The following IQGAP2 variants were observed in gnomAD, a reference collection of about 807,000 sequenced individuals.
The protein encoded by IQGAP2 is IQ motif containing GTPase activating protein 2.
Under a neutral mutation model 201.3 loss-of-function variants are expected in IQGAP2, and 173 were observed. The ratio of observed to expected loss-of-function variants is 0.86; its 90% CI spans 0.76 to 0.98. The LOEUF is 0.98. Ranked by LOEUF, IQGAP2 falls within the 50% of genes least tolerant of loss-of-function variation. The pLI, the probability that IQGAP2 is intolerant of heterozygous loss-of-function variation, is 0.00. For synonymous variants in IQGAP2, 675 were observed against 673.9 expected, an observed-to-expected ratio of 1.00 and a Z score of -0.03; for missense variants, 1,687 against 1,864.8, an observed-to-expected ratio of 0.90 and a Z score of 1.76.
intron 2 of IQGAP2, chr5:76,510,741 T>TG: frequency 2.0e-6 from 1 of 507,832 alleles, no homozygotes; most frequent in East Asian, 5.6e-5. Flanking sequence ...AGGGTGTACC[T>TG]GGGGGCACCC....
chr5:76,662,999 G>A (rs1385143354), intron 21 of IQGAP2, among the ~76,000 whole-genome samples: 1 of 152,180 alleles, frequency 6.6e-6, no homozygotes, highest in Non-Finnish European at 1.5e-5. Context: ...ACATGGAACT[G>A]TCTTACTCCA....
intron 9 of IQGAP2, among the ~76,000 whole-genome samples, chr5:76,594,017 CA>C (rs752769792): frequency 4.6e-5 from 7 of 152,208 alleles, no homozygotes; most frequent in Non-Finnish European, 7.3e-5. Flanking sequence ...GAATATGCCT[CA>C]CATACACATA....
At chr5:76,601,599 G>A (rs1366885654) in intron 11 of IQGAP2, among the ~76,000 whole-genome samples, 2 of 152,224 alleles carry the variant, frequency 1.3e-5, no homozygotes, top group Admixed American at 1.3e-4. Context: ...CCAGATGAGA[G>A]AGTCGCTGAG....
intron 1 of IQGAP2, among the ~76,000 whole-genome samples, chr5:76,450,613 A>C (rs895845473): frequency 6.6e-6 from 1 of 152,156 alleles, no homozygotes; most frequent in Non-Finnish European, 1.5e-5. Flanking sequence ...AATATGTACT[A>C]CTTCTATGAA....
intron 2 of IQGAP2, among the ~76,000 whole-genome samples, chr5:76,527,170 A>T (rs927624978): frequency 1.3e-5 from 2 of 152,216 alleles, no homozygotes; most frequent in Non-Finnish European, 2.9e-5. Flanking sequence ...CAAGATAGTG[A>T]TCTTTATGAA....
intron 2 of IQGAP2, among the ~76,000 whole-genome samples, 192 bp from the exon 3 acceptor site, chr5:76,562,204 T>C (rs1261936570): frequency 1.3e-5 from 2 of 152,114 alleles, no homozygotes; most frequent in African/African-American, 4.8e-5. Context: ...GGGCTTTCAT[T>C]CCCCCTGTTC....
intron 17 of IQGAP2, among the ~76,000 whole-genome samples, chr5:76,643,120 C>T (rs1398360175): frequency 6.6e-6 from 1 of 152,176 alleles, no homozygotes; most frequent in Non-Finnish European, 1.5e-5. Context: ...TAGAGTTACT[C>T]TTCCAGAAGA....
chr5:76,514,871 G>A (rs1000694234), intron 2 of IQGAP2, among the ~76,000 whole-genome samples: 1 of 152,154 alleles, frequency 6.6e-6, no homozygotes, highest in African/African-American at 2.4e-5. Context: ...CTTGAAAAAT[G>A]CATTCAGCTG....
chr5:76,617,755 T>C, intron 13 of IQGAP2: 1 of 1,613,858 alleles, frequency 6.2e-7, no homozygotes. Context: ...AGAATAATAT[T>C]GCTTGGAGCA....
At chr5:76,586,256 T>C (rs954500644) in intron 5 of IQGAP2, among the ~76,000 whole-genome samples, 1 of 152,142 alleles carries the variant, frequency 6.6e-6, no homozygotes, top group Non-Finnish European at 1.5e-5. Flanking sequence ...CTTTGAAGAA[T>C]GTTCAAAGTC....
chr5:76,406,949 G>A (rs1750831285), intron 1 of IQGAP2, among the ~76,000 whole-genome samples: 1 of 152,120 alleles, frequency 6.6e-6, no homozygotes. Context: ...GGGCGGGGAA[G>A]GGGAAGTTGA....
chr5:76,463,839 C>CT (rs1206102322), intron 2 of IQGAP2, among the ~76,000 whole-genome samples: 4 of 150,600 alleles, frequency 2.7e-5, no homozygotes, highest in Non-Finnish European at 5.9e-5. Flanking sequence ...TACTTTTTTT[C>CT]TTTTTTCTTT....
At chr5:76,672,633 T>C (rs923560492) in intron 24 of IQGAP2, among the ~76,000 whole-genome samples, 5 of 152,198 alleles carry the variant, frequency 3.3e-5, no homozygotes, top group Non-Finnish European at 5.9e-5. Context: ...AGGGTATATA[T>C]TCCAGTTGGA....
chr5:76,530,976 G>T (rs888581715), intron 2 of IQGAP2, among the ~76,000 whole-genome samples: 4 of 152,218 alleles, frequency 2.6e-5, no homozygotes, highest in Non-Finnish European at 5.9e-5. Context: ...AACTTTTGCA[G>T]ATTCTTGCTT....
rs752344236 is a variant in IQGAP2 at position 76,697,959 on chromosome 5, A to G, written c.4207-28A>G. The G allele has an allele frequency of 4.4e-6, 7 of 1,575,996 alleles. No homozygotes were observed. The African/African-American group carries it at 8.2e-5, about 18-fold the overall frequency. ...TATCATAAAGCAAACTTCTGCTTAAATATGATACCCCTTACTTGTTGTTTT... is the reference window on the plus strand; with the variant it reads ...TATCATAAAGCAAACTTCTGCTTAAGTATGATACCCCTTACTTGTTGTTTT... On this transcript the variant is annotated intron_variant, in intron 32 of 35. Transcript: ENST00000274364.
rs559158037 is a variant in IQGAP2 at position 76,551,134 on chromosome 5, C to T, written c.147-11262C>T. Among the ~76,000 whole-genome samples, 156 of 142,470 alleles carry T rather than the reference C, an allele frequency of 1.1e-3. 1 individual carries two copies. Among genetic ancestry groups the T allele is most frequent in the African/African-American group, 4.0e-3 (151 of 37,418 alleles). The allele number at this position is 142,470 out of a possible 152,430, so 93.5% of individuals were successfully genotyped here. A position where few individuals can be genotyped will look rare whatever the true frequency, so the allele number is the denominator to read the frequency against. On this transcript the variant is annotated intron_variant, in intron 2 of 35. Transcript: ENST00000274364. ...GGGGCTCCTCACTTCTCAGATGGGG[C>T]GGCCGGGCAGAGACGCTCCTCACCT...
chr5:76,441,490 C>T (rs77503481), intron 1 of IQGAP2: 166 of 985,146 alleles, frequency 1.7e-4, no homozygotes, highest in Non-Finnish European at 1.9e-4. Flanking sequence ...GAAGGAATTA[C>T]GAGCCTGGAA....
intron 2 of IQGAP2, among the ~76,000 whole-genome samples, chr5:76,484,956 G>A (rs1214944312): frequency 6.6e-6 from 1 of 152,218 alleles, no homozygotes; most frequent in Non-Finnish European, 1.5e-5. Flanking sequence ...AGCCTTGTGA[G>A]TAGCTGGGAC....
chr5:76,678,364 T>C (rs1039794098), intron 28 of IQGAP2, among the ~76,000 whole-genome samples: 1 of 152,020 alleles, frequency 6.6e-6, no homozygotes, highest in African/African-American at 2.4e-5. Flanking sequence ...TGCAGGGCAC[T>C]GTGCTCAGTG....
Sources: allele counts gnomAD v4.1 joint callset (sites outside exome capture counted in the v4.1 genomes callset), GRCh38; gene constraint gnomAD v4.1.1; transcripts MANE v1.5; gene names NCBI Gene and HGNC (gene_info 2026-07-23, HGNC 2026-07-21).